Variants in NLGN4X observed in about 807,000 individuals in gnomAD.
NLGN4X encodes neuroligin 4 X-linked, also known as neuroligin-4, X-linked.
NLGN4X carries 3 observed loss-of-function variants against 40.3 expected under a neutral mutation model. The observed-to-expected ratio is 0.07, with a 90% CI of 0.03 to 0.19. The LOEUF (loss-of-function observed/expected upper bound fraction) is 0.19, where lower values mean the gene tolerates loss of function less well. Among genes scored for constraint, NLGN4X ranks in the 10% least tolerant of loss-of-function variants. NLGN4X has a pLI of 1.00. For missense variants in NLGN4X, 382 were observed against 708.3 expected (o/e 0.54, Z 5.23); for synonymous variants, 270 against 306.8 (o/e 0.88, Z 1.25).
intron 2 of NLGN4X, among the ~76,000 whole-genome samples, chrX:6,131,542 T>A (rs1175995362): frequency 8.9e-6 from 1 of 112,501 alleles, no homozygotes; most frequent in African/African-American, 3.2e-5. Flanking sequence ...AGTTAACAAA[T>A]AACTGGCAGT....
chrX:5,910,530 A>T (rs905035537), intron 3 of NLGN4X, among the ~76,000 whole-genome samples: 1 of 111,232 alleles, frequency 9.0e-6, no homozygotes. Flanking sequence ...ACATCAAACC[A>T]ATTCCCTCAA....
intron 3 of NLGN4X, among the ~76,000 whole-genome samples, chrX:5,977,061 AT>A (rs1430887051): frequency 3.5e-5 from 4 of 112,697 alleles, no homozygotes; most frequent in Non-Finnish European, 5.6e-5. Context: ...CATTAAATTC[AT>A]GTAAGGAAGC....
At chrX:6,168,140 T>C (rs1469019081) in intron 1 of NLGN4X, among the ~76,000 whole-genome samples, 1 of 112,195 alleles carries the variant, frequency 8.9e-6, no homozygotes, top group Non-Finnish European at 1.9e-5. Context: ...CCATGACTGT[T>C]CTATTTCCCC....
chrX:6,183,501 C>G (rs1387027694), intron 1 of NLGN4X, among the ~76,000 whole-genome samples: 1 of 109,295 alleles, frequency 9.1e-6, no homozygotes, highest in East Asian at 2.9e-4. Context: ...GAGCGGAGAT[C>G]GCGCCACTGC....
At chrX:5,912,416 T>G (rs1385869042) in intron 3 of NLGN4X, among the ~76,000 whole-genome samples, 4 of 111,381 alleles carry the variant, frequency 3.6e-5, no homozygotes, top group East Asian at 2.9e-4. Flanking sequence ...TCCAAATTTT[T>G]GGGAAGGCTG....
At chrX:5,954,548 C>T (rs984854019) in intron 3 of NLGN4X, among the ~76,000 whole-genome samples, 4 of 108,033 alleles carry the variant, frequency 3.7e-5, no homozygotes, top group African/African-American at 1.4e-4. Flanking sequence ...TACATTGACA[C>T]TTTGTAGCTA....
chrX:6,182,911 T>C (rs1921619309), intron 1 of NLGN4X, among the ~76,000 whole-genome samples: 1 of 112,086 alleles, frequency 8.9e-6, no homozygotes, highest in Non-Finnish European at 1.9e-5. Context: ...CCATTAAGTT[T>C]GTGATTATGT....
intron 3 of NLGN4X, among the ~76,000 whole-genome samples, chrX:5,966,177 T>C (rs765269345): frequency 9.8e-5 from 11 of 111,992 alleles, no homozygotes; most frequent in Non-Finnish European, 1.7e-4. Context: ...CCTGAAAAGG[T>C]AGAACATGAC....
chrX:6,082,948 GTTTTTTTCT>G (rs1204016960), intron 2 of NLGN4X, among the ~76,000 whole-genome samples: 1 of 70,377 alleles, frequency 1.4e-5, no homozygotes, highest in African/African-American at 4.8e-5. Context: ...GCCATGATGC[GTTTTTTTCT>G]TTTTTTTTTT....
intron 2 of NLGN4X, among the ~76,000 whole-genome samples, chrX:6,138,604 G>A (rs1602301440): frequency 9.0e-6 from 1 of 111,591 alleles, no homozygotes; most frequent in South Asian, 3.7e-4. Flanking sequence ...AAATGCTCTG[G>A]GTCTTCAAAG....
At chrX:6,028,050 C>T (rs2036756044) in intron 3 of NLGN4X, among the ~76,000 whole-genome samples, 1 of 110,525 alleles carries the variant, frequency 9.0e-6, no homozygotes, top group Non-Finnish European at 1.9e-5. Flanking sequence ...TTCCTGACCT[C>T]AAGTGATCTG....
chrX:6,146,944 C>A (rs1216869468), intron 2 of NLGN4X, among the ~76,000 whole-genome samples: 1 of 109,989 alleles, frequency 9.1e-6, no homozygotes, highest in African/African-American at 3.3e-5. Flanking sequence ...GCGCACACCA[C>A]CATGCCCAGC....
At chrX:5,903,956 C>T (rs2032045594) in intron 4 of NLGN4X, 90 bp from the exon 5 acceptor site, 1 of 1,096,525 alleles carries the variant, frequency 9.1e-7, no homozygotes, top group Non-Finnish European at 1.3e-6. Context: ...GATTGTCTCT[C>T]AGGCATGTGA....
At chrX:6,177,462 G>A (rs1365954559) in intron 1 of NLGN4X, among the ~76,000 whole-genome samples, 2 of 111,875 alleles carry the variant, frequency 1.8e-5, no homozygotes, top group African/African-American at 6.5e-5. Context: ...CACTGCGCCT[G>A]GCCCCATCAT....
chrX:5,909,136 C>T lies in NLGN4X; in HGVS notation c.729G>A (p.Gly243=), dbSNP rs760293975. The T allele has an allele frequency of 8.3e-7, 1 of 1,211,353 alleles. No individual in the cohort carries two copies. ...WIEENVGAFG[G]DPKRVTIFGS... ...CAAAGATGGTCACTCTCTTGGGGTCCCCGCCAAAGGCTCCCACATTCTCCT... is the reference window on the plus strand; with the variant it reads ...CAAAGATGGTCACTCTCTTGGGGTCTCCGCCAAAGGCTCCCACATTCTCCT... Residue 243 remains glycine (G), a synonymous_variant, in exon 4 of 6, where the codon GGG becomes GGA. Coordinates refer to ENST00000381095, the MANE Select transcript of NLGN4X (RefSeq NM_181332.3).
chrX:5,985,908 T>C (rs1315025716), intron 3 of NLGN4X, among the ~76,000 whole-genome samples: 2 of 111,922 alleles, frequency 1.8e-5, no homozygotes, highest in African/African-American at 3.2e-5. Context: ...GATCACTTTA[T>C]AATGAGAAGA....
chrX:5,997,311 T>G (rs978257086), intron 3 of NLGN4X, among the ~76,000 whole-genome samples: 1 of 107,453 alleles, frequency 9.3e-6, no homozygotes, highest in Non-Finnish European at 1.9e-5. Context: ...GAGTTACATA[T>G]GTTATATATA....
chrX:6,176,951 T>TA (rs1157144744), intron 1 of NLGN4X, among the ~76,000 whole-genome samples: 1 of 111,872 alleles, frequency 8.9e-6, no homozygotes, highest in Non-Finnish European at 1.9e-5. Context: ...GAACAGGTCC[T>TA]AGCACAGAAG....
intron 3 of NLGN4X, among the ~76,000 whole-genome samples, chrX:5,957,585 T>C (rs1470669340): frequency 2.7e-5 from 3 of 112,322 alleles, no homozygotes; most frequent in Non-Finnish European, 3.7e-5. Flanking sequence ...GCCTGATCTC[T>C]AGATACTGTT....
Sources: gnomAD v4.1 joint callset for allele counts (sites outside exome capture counted in the v4.1 genomes callset) on GRCh38, gnomAD v4.1.1 for gene constraint, MANE v1.5 for transcripts, NCBI Gene and HGNC (gene_info 2026-07-23, HGNC 2026-07-21) for gene names.